The following C12orf42 variants were observed in gnomAD, a reference collection of about 807,000 sequenced individuals.
C12orf42 encodes chromosome 12 open reading frame 42, also known as uncharacterized protein C12orf42.
In C12orf42, 25 loss-of-function variants were observed where a neutral mutation model predicts 21.6. That is an observed-to-expected ratio of 1.16 (90% CI 0.84 to 1.62). The LOEUF is 1.62. Ranked by LOEUF, C12orf42 falls within the 40% of genes most tolerant of loss-of-function variation. The pLI is 0.00. For synonymous variants in C12orf42, 174 were observed against 175.0 expected (o/e 0.99, Z 0.05); for missense variants, 483 against 459.3 (o/e 1.05, Z -0.47).
rs2040046844 is a variant in C12orf42, at chr12:103,321,068, T to C, written c.260-14723A>G. ...GTACTTTAGAAAGTTTTTTTAAAAA[T>C]TTCTGGTTGGCCTACAAAATGGGAG... On this transcript the variant is annotated intron_variant, in intron 4 of 5. Coordinates refer to ENST00000548883, the MANE Select transcript of C12orf42 (RefSeq NM_198521.5). Among the ~76,000 whole-genome samples the C allele has an allele frequency of 2.0e-5, 3 of 152,326 alleles. No individual in the cohort carries two copies. The South Asian group carries it at 6.2e-4, about 32-fold the overall frequency.
rs187026918 is a variant in C12orf42, at chr12:103,398,659, T to C, written c.147+2948A>G. On this transcript the variant is annotated intron_variant, in intron 3 of 5. Transcript: ENST00000548883. ...TTCTTAAACCTGCCCAAAGTTTACT[T>C]TTCTATTTAGTGTGAATAGATATAT... Among the ~76,000 whole-genome samples, 381 of 152,282 alleles carry C rather than the reference T, an allele frequency of 2.5e-3. 1 individual carries two copies. The highest frequency in any genetic ancestry group is 8.9e-3 in the African/African-American group (370 of 41,582).
chr12:103,373,973 G>A (rs897580731), intron 3 of C12orf42, among the ~76,000 whole-genome samples: 1 of 152,086 alleles, frequency 6.6e-6, no homozygotes, highest in African/African-American at 2.4e-5. Flanking sequence ...TTTTAATCAT[G>A]GCTCTTAATC....
At chr12:103,551,833 T>C in the C12orf42 span, among the ~76,000 whole-genome samples, 2 of 151,418 alleles carry the variant, frequency 1.3e-5, no homozygotes, top group African/African-American at 2.4e-5. Flanking sequence ...ATAACAATAA[T>C]AATAATAAAA....
chr12:103,529,076 A>T, the C12orf42 span, among the ~76,000 whole-genome samples: 3 of 152,186 alleles, frequency 2.0e-5, no homozygotes, highest in Non-Finnish European at 2.9e-5. Flanking sequence ...AACGAAAAAA[A>T]ACGCCATTGC....
At chr12:103,517,497 A>G in the C12orf42 span, among the ~76,000 whole-genome samples, 5 of 152,242 alleles carry the variant, frequency 3.3e-5, no homozygotes, top group Non-Finnish European at 7.3e-5. Context: ...GTCCACCTGA[A>G]GTTCAAAGAG....
the C12orf42 span, among the ~76,000 whole-genome samples, chr12:103,062,193 A>G: frequency 6.6e-6 from 1 of 151,214 alleles, no homozygotes; most frequent in Non-Finnish European, 1.5e-5. Context: ...TTATAAAGTC[A>G]TTATTTATTT....
At chr12:103,105,739 T>C in the C12orf42 span, among the ~76,000 whole-genome samples, 1 of 151,556 alleles carries the variant, frequency 6.6e-6, no homozygotes, top group African/African-American at 2.4e-5. Flanking sequence ...AAATGTAGAA[T>C]TTCATTTAAA....
the C12orf42 span, among the ~76,000 whole-genome samples, chr12:103,510,207 C>T: frequency 6.6e-6 from 1 of 152,148 alleles, no homozygotes; most frequent in East Asian, 1.9e-4. Context: ...GTGTTTACAG[C>T]AACCTGGATG....
the C12orf42 span, among the ~76,000 whole-genome samples, chr12:103,138,996 T>A: frequency 6.6e-6 from 1 of 152,228 alleles, no homozygotes; most frequent in African/African-American, 2.4e-5. Flanking sequence ...TATAAGTTTA[T>A]CTGGTAGATT....
chr12:103,335,880 A>G (rs915552874), intron 4 of C12orf42, among the ~76,000 whole-genome samples: 4 of 152,214 alleles, frequency 2.6e-5, no homozygotes, highest in African/African-American at 9.6e-5. Context: ...TCCAGACACA[A>G]TGACAACTGT....
chr12:103,166,936 A>C, the C12orf42 span, among the ~76,000 whole-genome samples: 1 of 152,096 alleles, frequency 6.6e-6, no homozygotes, highest in African/African-American at 2.4e-5. Context: ...ATTAGTCTTT[A>C]TCTTTATCGA....
the C12orf42 span, among the ~76,000 whole-genome samples, chr12:103,124,050 G>A: frequency 6.6e-6 from 1 of 151,126 alleles, no homozygotes; most frequent in African/African-American, 2.4e-5. Flanking sequence ...CTTACCCTGT[G>A]GTCATGATAA....
chr12:103,312,837 AT>A (rs1424467852), intron 4 of C12orf42, among the ~76,000 whole-genome samples: 1 of 152,234 alleles, frequency 6.6e-6, no homozygotes, highest in Non-Finnish European at 1.5e-5. Context: ...ACAACTTCTC[AT>A]TCCTTTTGAG....
the C12orf42 span, among the ~76,000 whole-genome samples, chr12:103,063,904 G>A: frequency 6.6e-6 from 1 of 152,258 alleles, no homozygotes; most frequent in Admixed American, 6.5e-5. Flanking sequence ...GTGTTAATTT[G>A]GGTCCACTAA....
At chr12:103,134,859 TGAA>T in the C12orf42 span, among the ~76,000 whole-genome samples, 1 of 151,962 alleles carries the variant, frequency 6.6e-6, no homozygotes, top group Non-Finnish European at 1.5e-5. Flanking sequence ...TCTAAAAACA[TGAA>T]GAAAAGTGTC....
At chr12:103,061,517 C>T in the C12orf42 span, among the ~76,000 whole-genome samples, 1 of 151,132 alleles carries the variant, frequency 6.6e-6, no homozygotes, top group Non-Finnish European at 1.5e-5. Context: ...TCTCTGTTGG[C>T]TTCTGTTTAA....
chr12:103,144,891 G>A, the C12orf42 span, among the ~76,000 whole-genome samples: 3 of 152,266 alleles, frequency 2.0e-5, no homozygotes, highest in African/African-American at 7.2e-5. Context: ...CTAAACCATT[G>A]CTGCTTGAGA....
chr12:103,331,502 C>A (rs1355162558), intron 4 of C12orf42, among the ~76,000 whole-genome samples: 1 of 152,156 alleles, frequency 6.6e-6, no homozygotes, highest in South Asian at 2.1e-4. Context: ...AGGTTCTGCT[C>A]TTGTTGACTT....
downstream of C12orf42, among the ~76,000 whole-genome samples, chr12:103,267,348 T>C (rs1352461615): frequency 6.6e-6 from 1 of 152,100 alleles, no homozygotes; most frequent in East Asian, 1.9e-4. Context: ...GTGCTCAGTG[T>C]AGGCCAGGCA....
Sources: allele counts gnomAD v4.1 joint callset (sites outside exome capture counted in the v4.1 genomes callset), GRCh38; gene constraint gnomAD v4.1.1; transcripts MANE v1.5; gene names NCBI Gene and HGNC (gene_info 2026-07-23, HGNC 2026-07-21).